Variants in DNAI4 observed in about 807,000 individuals in gnomAD.
The protein encoded by DNAI4 is dynein axonemal intermediate chain 4.
Under a neutral mutation model 105.8 loss-of-function variants are expected in DNAI4, and 85 were observed. That is an observed-to-expected ratio of 0.80 (90% CI 0.67 to 0.96). The LOEUF is 0.96. Among genes scored for constraint, DNAI4 ranks in the 40% least tolerant of loss-of-function variants. The pLI is 0.00. For missense variants in DNAI4, 1,014 were observed against 1,005.6 expected, an observed-to-expected ratio of 1.01 and a Z score of -0.11; for synonymous variants, 352 against 331.5, an observed-to-expected ratio of 1.06 and a Z score of -0.67.
At chr1:66,855,817 G>A (rs1646488358) in intron 7 of DNAI4, among the ~76,000 whole-genome samples, 1 of 152,112 alleles carries the variant, frequency 6.6e-6, no homozygotes, top group South Asian at 2.1e-4. Context: ...AATCAGTAAA[G>A]ATATAGGTTT....
At chr1:66,837,513 G>T in intron 10 of DNAI4, 197 bp downstream of exon 10, 1 of 634,558 alleles carries the variant, frequency 1.6e-6, no homozygotes, top group South Asian at 2.8e-5. Context: ...AATATTTACT[G>T]AATGAATTAA....
At chr1:66,819,948 T>C (rs1645592087) in intron 16 of DNAI4, among the ~76,000 whole-genome samples, 1 of 152,088 alleles carries the variant, frequency 6.6e-6, no homozygotes, top group African/African-American at 2.4e-5. Flanking sequence ...ACATTTAGAA[T>C]TGGAGGCTTA....
At chr1:66,874,375 G>T (rs189679173) in intron 5 of DNAI4, among the ~76,000 whole-genome samples, 1 of 152,036 alleles carries the variant, frequency 6.6e-6, no homozygotes, top group Non-Finnish European at 1.5e-5. Flanking sequence ...TTAGGTTGGT[G>T]CAAAAGTAAT....
Position 66,814,018 on chromosome 1 carries a change from C to A in DNAI4, c.*112G>T. 6.4e-6 allele frequency: 4 copies of A among 623,014 alleles called. No homozygotes were observed. The highest frequency in any genetic ancestry group is 3.2e-5 in the East Asian group (1 of 31,114). The allele number at this position is 623,014 out of a possible 1,614,324, so 38.6% of individuals were successfully genotyped here. On this transcript the variant is annotated 3_prime_UTR_variant, in exon 17 of 17. Transcript: ENST00000371026. ...AAATTTAAATTAAGTGGAAGTTATA[C>A]ATCAAATATTGTTTTCTGAAATCAA...
intron 4 of DNAI4, among the ~76,000 whole-genome samples, chr1:66,875,538 C>T (rs756060237): frequency 6.6e-6 from 1 of 152,076 alleles, no homozygotes; most frequent in Non-Finnish European, 1.5e-5. Context: ...ACAGTCAGAA[C>T]TTGATCCAAG....
At position 66,893,053 on chromosome 1, in the gene DNAI4, AAG is replaced by A. The variant is rs71058480; in HGVS notation, c.530+174_530+175del. Among the ~76,000 whole-genome samples the A allele has an allele frequency of 6.6e-3, 438 of 66,542 alleles. 17 individuals are homozygous for A. The highest frequency in any genetic ancestry group is 0.028 in the South Asian group (65 of 2,332). The allele number at this position is 66,542 out of a possible 152,430, so 43.7% of individuals were successfully genotyped here. A position where few individuals can be genotyped will look rare whatever the true frequency, so the allele number is the denominator to read the frequency against. The stretch of plus-strand genomic sequence containing the variant: ...AAGAGAGGAAAGAAAGAAAGAAAGA[AAG>A]AGAGAGAGAGAAAGAAAGAAAGAAA... On this transcript the variant is annotated intron_variant, in intron 3 of 16. Coordinates refer to ENST00000371026, the MANE Select transcript of DNAI4 (RefSeq NM_024763.5).
chr1:66,835,193 C>CAGACAGATAGATAGAT (rs148107373), intron 11 of DNAI4, among the ~76,000 whole-genome samples: 40 of 136,218 alleles, frequency 2.9e-4, no homozygotes, highest in Non-Finnish European at 4.2e-4. Flanking sequence ...CCTCCTTAGA[C>CAGACAGATAGATAGAT]AGATAGATAG....
At chr1:66,911,330 T>C (rs1649643901) in intron 1 of DNAI4, among the ~76,000 whole-genome samples, 1 of 152,208 alleles carries the variant, frequency 6.6e-6, no homozygotes. Flanking sequence ...GAAACCTCCA[T>C]GTGCCCAGCT....
chr1:66,898,743 T>C (rs113436313), intron 2 of DNAI4, among the ~76,000 whole-genome samples: 105 of 152,282 alleles, frequency 6.9e-4, no homozygotes, highest in African/African-American at 2.4e-3. Context: ...CATTCAGTTA[T>C]ACAATAACAA....
intron 1 of DNAI4, among the ~76,000 whole-genome samples, chr1:66,911,003 T>G (rs996436953): frequency 5.9e-5 from 9 of 152,164 alleles, no homozygotes; most frequent in African/African-American, 2.2e-4. Flanking sequence ...CCAATTCAAT[T>G]CCAGCACTAT....
intron 2 of DNAI4, 63 bp from the exon 3 acceptor site, chr1:66,893,476 G>T: frequency 8.5e-7 from 1 of 1,172,250 alleles, no homozygotes; most frequent in South Asian, 2.3e-5. Context: ...AATAACAGCT[G>T]CTAGAAAATA....
At chr1:66,921,784 C>A (rs551420031) in intron 1 of DNAI4, among the ~76,000 whole-genome samples, 2 of 152,244 alleles carry the variant, frequency 1.3e-5, no homozygotes, top group East Asian at 3.9e-4. Flanking sequence ...GCACCTTCTT[C>A]AATCTAGGCA....
intron 7 of DNAI4, among the ~76,000 whole-genome samples, chr1:66,849,054 A>T (rs1646339019): frequency 6.6e-6 from 1 of 152,168 alleles, no homozygotes; most frequent in Non-Finnish European, 1.5e-5. Flanking sequence ...CCCTTCCTAC[A>T]GTGTCAGTGG....
intron 2 of DNAI4, among the ~76,000 whole-genome samples, chr1:66,903,804 T>C (rs1255118329): frequency 6.6e-6 from 1 of 152,178 alleles, no homozygotes; most frequent in African/African-American, 2.4e-5. Flanking sequence ...TGGATGCTTT[T>C]TATTTCTTTT....
intron 2 of DNAI4, among the ~76,000 whole-genome samples, chr1:66,900,209 C>T (rs1648691992): frequency 6.6e-6 from 1 of 152,084 alleles, no homozygotes; most frequent in South Asian, 2.1e-4. Context: ...TCAAGCGATT[C>T]TTCTGCCTCT....
intron 8 of DNAI4, among the ~76,000 whole-genome samples, chr1:66,841,708 G>T (rs1474739120): frequency 6.6e-6 from 1 of 152,114 alleles, no homozygotes; most frequent in Non-Finnish European, 1.5e-5. Flanking sequence ...ACATATGTGA[G>T]TTGAATGAGA....
At chr1:66,869,006 G>A (rs1293804058) in intron 6 of DNAI4, among the ~76,000 whole-genome samples, 1 of 151,632 alleles carries the variant, frequency 6.6e-6, no homozygotes, top group South Asian at 2.1e-4. Context: ...CCAAGGAGGC[G>A]GAGGTTGCAG....
At chr1:66,856,471 T>G (rs1356105682) in intron 7 of DNAI4, among the ~76,000 whole-genome samples, 1 of 151,742 alleles carries the variant, frequency 6.6e-6, no homozygotes, top group Non-Finnish European at 1.5e-5. Context: ...AGACTCCGTC[T>G]CAAAAAAATA....
chr1:66,823,401 T>C (rs188070482), intron 15 of DNAI4, among the ~76,000 whole-genome samples: 31 of 152,268 alleles, frequency 2.0e-4, no homozygotes, highest in African/African-American at 7.5e-4. Flanking sequence ...CAACATGATT[T>C]ATAGTCCTTT....
Sources: gnomAD v4.1 joint callset for allele counts (sites outside exome capture counted in the v4.1 genomes callset) on GRCh38, gnomAD v4.1.1 for gene constraint, MANE v1.5 for transcripts, NCBI Gene and HGNC (gene_info 2026-07-23, HGNC 2026-07-21) for gene names.